FUT8: variants seen among roughly 807,000 people sequenced by gnomAD.
FUT8 encodes alpha-(1,6)-fucosyltransferase.
In FUT8, 29 loss-of-function variants were observed where a neutral mutation model predicts 71.3. That is an observed-to-expected ratio of 0.41 (90% confidence interval 0.30 to 0.55). The LOEUF (loss-of-function observed/expected upper bound fraction) is 0.55. Ranked by LOEUF, FUT8 falls within the 20% of genes least tolerant of loss-of-function variation. FUT8 has a pLI of 0.34. For synonymous variants in FUT8, 254 were observed against 239.3 expected, an observed-to-expected ratio of 1.06 and a Z score of -0.57; for missense variants, 544 against 702.1, an observed-to-expected ratio of 0.77 and a Z score of 2.55.
intron 3 of FUT8, among the ~76,000 whole-genome samples, chr14:65,563,855 T>C (rs1886047773): frequency 6.6e-6 from 1 of 152,070 alleles, no homozygotes; most frequent in Non-Finnish European, 1.5e-5. Context: ...TATATTCTTA[T>C]ATGTTGAAAT....
intron 2 of FUT8, among the ~76,000 whole-genome samples, chr14:65,473,197 A>G (rs1308336819): frequency 6.6e-6 from 1 of 152,096 alleles, no homozygotes; most frequent in African/African-American, 2.4e-5. Context: ...ATGTTTTCTC[A>G]TTGAGTGAGG....
chr14:65,614,826 CA>C lies in FUT8; in HGVS notation c.204-1151del, dbSNP rs1400642798. 3.3e-5 allele frequency among the ~76,000 whole-genome samples: 5 copies of C among 152,028 alleles called. No individual in the cohort carries two copies. The East Asian group carries it at 7.7e-4, about 23-fold the overall frequency. On this transcript the variant is annotated intron_variant, in intron 3 of 10. Coordinates refer to ENST00000673929, the MANE Select transcript of FUT8 (RefSeq NM_001371533.1). ...CTTTTGCCATAAAGAGTAATATTCA[CA>C]GATTTCATGATTAGGTTATGGATAT...
chr14:65,730,457 A>G (rs1346624563), intron 9 of FUT8, among the ~76,000 whole-genome samples: 2 of 152,162 alleles, frequency 1.3e-5, no homozygotes, highest in Non-Finnish European at 2.9e-5. Context: ...GCGGATCACT[A>G]GGTCAGGAGA....
At chr14:65,621,959 G>A (rs771907421) in intron 5 of FUT8, among the ~76,000 whole-genome samples, 6 of 151,438 alleles carry the variant, frequency 4.0e-5, no homozygotes, top group Non-Finnish European at 7.4e-5. Flanking sequence ...GGGTAGCTGG[G>A]ACTACAGGCA....
At chr14:65,685,359 A>G (rs1201752800) in intron 7 of FUT8, among the ~76,000 whole-genome samples, 1 of 152,236 alleles carries the variant, frequency 6.6e-6, no homozygotes. Flanking sequence ...AAATTAATTT[A>G]AAGAAATATA....
intron 2 of FUT8, among the ~76,000 whole-genome samples, chr14:65,456,783 G>A (rs930225242): frequency 6.6e-6 from 1 of 151,000 alleles, no homozygotes; most frequent in Non-Finnish European, 1.5e-5. Flanking sequence ...CGAGGTAGGA[G>A]AATCGCTTGA....
the FUT8 span, among the ~76,000 whole-genome samples, chr14:65,374,789 G>C: frequency 6.6e-6 from 1 of 150,550 alleles, no homozygotes; most frequent in Non-Finnish European, 1.5e-5. Flanking sequence ...TTTAGTTGAC[G>C]TGGGATTTCA....
Position 65,419,586 on chromosome 14 carries a change from C to T in FUT8, c.-326+6372C>T, listed in dbSNP as rs190243605. ...GTTGTATTAGTTTTTATGTCTTGAG[C>T]TCTCTGAATAACTACTTGATTCATT... On this transcript the variant is annotated intron_variant, in intron 1 of 10. Coordinates refer to ENST00000673929, the MANE Select transcript of FUT8 (RefSeq NM_001371533.1). Among the ~76,000 whole-genome samples the T allele has an allele frequency of 8.5e-4, 129 of 152,320 alleles. 1 individual carries two copies. The highest frequency in any genetic ancestry group is 3.1e-3 in the Admixed American group (47 of 15,302).
chr14:65,599,822 C>G (rs917748269), intron 3 of FUT8, among the ~76,000 whole-genome samples: 14 of 152,148 alleles, frequency 9.2e-5, no homozygotes, highest in Non-Finnish European at 1.5e-5. Context: ...CCATTAACTA[C>G]TTTCTTTATT....
chr14:65,655,211 C>T (rs535441530), intron 6 of FUT8, among the ~76,000 whole-genome samples: 6 of 151,962 alleles, frequency 3.9e-5, no homozygotes, highest in East Asian at 1.9e-4. Context: ...CGGTTGCTCA[C>T]GCCTGTAATC....
At chr14:65,668,967 G>A (rs1795608387) in intron 6 of FUT8, among the ~76,000 whole-genome samples, 1 of 152,086 alleles carries the variant, frequency 6.6e-6, no homozygotes, top group Non-Finnish European at 1.5e-5. Flanking sequence ...TTAAAAGTGG[G>A]AGCTAAACAT....
At chr14:65,459,082 C>T (rs943798678) in intron 2 of FUT8, among the ~76,000 whole-genome samples, 6 of 152,122 alleles carry the variant, frequency 3.9e-5, no homozygotes, top group African/African-American at 1.4e-4. Context: ...AGGCACTGTG[C>T]CCGGTCAGAG....
intron 3 of FUT8, among the ~76,000 whole-genome samples, chr14:65,614,749 G>A (rs1889191788): frequency 1.3e-5 from 2 of 152,078 alleles, no homozygotes; most frequent in Admixed American, 6.6e-5. Context: ...ATTACAAAAT[G>A]GCTCACCTAG....
chr14:65,716,279 T>A (rs1439307795), intron 7 of FUT8, among the ~76,000 whole-genome samples: 1 of 152,162 alleles, frequency 6.6e-6, no homozygotes, highest in Non-Finnish European at 1.5e-5. Context: ...AATATTTGCT[T>A]TATGTATCTG....
chr14:65,706,741 T>G (rs1183746900), intron 7 of FUT8, among the ~76,000 whole-genome samples: 1 of 152,150 alleles, frequency 6.6e-6, no homozygotes, highest in Non-Finnish European at 1.5e-5. Flanking sequence ...CCTGCTCTTA[T>G]GACTTAATTA....
chr14:65,506,054 G>C (rs2066728831), intron 2 of FUT8, among the ~76,000 whole-genome samples: 1 of 152,128 alleles, frequency 6.6e-6, no homozygotes, highest in African/African-American at 2.4e-5. Context: ...CACAGATGTG[G>C]AAGTAATAAT....
intron 2 of FUT8, among the ~76,000 whole-genome samples, chr14:65,468,554 T>C (rs1006315139): frequency 6.6e-6 from 1 of 152,160 alleles, no homozygotes; most frequent in African/African-American, 2.4e-5. Flanking sequence ...AGATATCTTA[T>C]TGGTCTTAAA....
In FUT8 at chr14:65,482,696, T is replaced by TA. The variant is rs1463597273; in HGVS notation, c.-228+26978_-228+26979insA. Among the ~76,000 whole-genome samples the TA allele has an allele frequency of 2.0e-5, 3 of 152,184 alleles. No individual in the cohort carries two copies. The South Asian group carries it at 6.2e-4, about 32-fold the overall frequency. On this transcript the variant is annotated intron_variant, in intron 2 of 10. Coordinates refer to ENST00000673929, the MANE Select transcript of FUT8 (RefSeq NM_001371533.1). ...TCCTTTTCAGAGCAATTTTGGCTAT[T>TA]GTGCTGGTTACCAATCTGTTGCCTC...
At chr14:65,725,680 A>G (rs953442107) in intron 9 of FUT8, among the ~76,000 whole-genome samples, 3 of 152,234 alleles carry the variant, frequency 2.0e-5, no homozygotes, top group Non-Finnish European at 4.4e-5. Flanking sequence ...TACTTTGGAC[A>G]TAATACCTAG....
Sources: allele counts gnomAD v4.1 joint callset (sites outside exome capture counted in the v4.1 genomes callset), GRCh38; gene constraint gnomAD v4.1.1; transcripts MANE v1.5; gene names NCBI Gene and HGNC (gene_info 2026-07-23, HGNC 2026-07-21).